The following RBFOX3 variants were observed in gnomAD, a reference collection of about 807,000 sequenced individuals.
RBFOX3 encodes the protein RNA binding protein fox-1 homolog 3.
RBFOX3 carries 17 observed loss-of-function variants against 48.7 expected under a neutral mutation model. The observed-to-expected ratio is 0.35, with a 90% CI of 0.24 to 0.52. The LOEUF (loss-of-function observed/expected upper bound fraction) is 0.52. Among genes scored for constraint, RBFOX3 ranks in the 20% least tolerant of loss-of-function variants. The probability of loss-of-function intolerance (pLI) is 0.94; values close to 1 mark genes in which losing one functional copy is unlikely to be tolerated. For synonymous variants in RBFOX3, 212 were observed against 209.5 expected (o/e 1.01, Z -0.10); for missense variants, 382 against 497.5 (o/e 0.77, Z 2.21).
intron 4 of RBFOX3, among the ~76,000 whole-genome samples, chr17:79,143,681 G>A (rs1183796741): frequency 1.3e-5 from 2 of 152,164 alleles, no homozygotes; most frequent in African/African-American, 4.8e-5. Context: ...CAGGAACGGG[G>A]TAGGGGACCG....
At chr17:79,404,157 A>C (rs926587633) in intron 2 of RBFOX3, among the ~76,000 whole-genome samples, 10 of 152,114 alleles carry the variant, frequency 6.6e-5, no homozygotes, top group African/African-American at 2.4e-4. Flanking sequence ...CCCCACTCTC[A>C]GTTGAACACA....
chr17:79,102,353 C>T (rs1025066232), intron 8 of RBFOX3, among the ~76,000 whole-genome samples: 2 of 152,198 alleles, frequency 1.3e-5, no homozygotes, highest in Non-Finnish European at 2.9e-5. Flanking sequence ...CATTGAGCCC[C>T]GAGGGCGTGG....
In RBFOX3 at chr17:79,536,060, G is replaced by A. The variant is rs574821987; in HGVS notation, c.-319-53462C>T. On this transcript the variant is annotated intron_variant, in intron 1 of 14. Coordinates refer to ENST00000693108, the MANE Select transcript of RBFOX3 (RefSeq NM_001350451.2). ...GCTGGTCTCACAGGGGGCTGGGGAG[G>A]GAGAGCTGCAATCCCCATGGCCAGG... Among the ~76,000 whole-genome samples, 12 of 152,260 alleles carry A rather than the reference G, an allele frequency of 7.9e-5. No individual in the cohort carries two copies. In the South Asian group the frequency reaches 1.0e-3, roughly 13 times the overall value.
At position 79,212,223 on chromosome 17, in the gene RBFOX3, C is replaced by T. The variant is rs72846062; in HGVS notation, c.-34+23543G>A. Among the ~76,000 whole-genome samples the T allele has an allele frequency of 0.043, 6,517 of 152,294 alleles. 170 individuals are homozygous for T. The highest frequency in any genetic ancestry group is 0.054 in the Middle Eastern group (16 of 294). On this transcript the variant is annotated intron_variant, in intron 4 of 14. Transcript: ENST00000693108. The surrounding 1 kb of genome is among the most constrained non-coding windows in gnomAD (Gnocchi z 4.7). ...TCCAGGAAAACCTTCAAACTCTAGACACCCTTGGCCACCCGCTGCCCTGGG... is the reference window on the plus strand; with the variant it reads ...TCCAGGAAAACCTTCAAACTCTAGATACCCTTGGCCACCCGCTGCCCTGGG...
At chr17:79,478,460 C>G (rs1214299638) in intron 2 of RBFOX3, among the ~76,000 whole-genome samples, 6 of 152,242 alleles carry the variant, frequency 3.9e-5, no homozygotes, top group African/African-American at 1.4e-4. Flanking sequence ...AGCACCCGCT[C>G]CCATCTCATG....
intron 1 of RBFOX3, among the ~76,000 whole-genome samples, chr17:79,531,565 G>A (rs895877915): frequency 5.3e-5 from 8 of 152,242 alleles, no homozygotes; most frequent in Admixed American, 3.9e-4. Flanking sequence ...AGCCCACGTC[G>A]CTGCCTGCAG....
At chr17:79,373,121 G>C (rs1471171285) in intron 2 of RBFOX3, among the ~76,000 whole-genome samples, 1 of 152,160 alleles carries the variant, frequency 6.6e-6, no homozygotes, top group East Asian at 1.9e-4. Context: ...GGTGACGGCA[G>C]GGGAGCAGGT....
chr17:79,130,730 G>A (rs1035833088), intron 4 of RBFOX3, among the ~76,000 whole-genome samples: 1 of 152,234 alleles, frequency 6.6e-6, no homozygotes, highest in Non-Finnish European at 1.5e-5. Context: ...GCCCGATACC[G>A]AGCAGTCTTC....
the RBFOX3 span, among the ~76,000 whole-genome samples, chr17:79,650,416 G>A: frequency 6.6e-6 from 1 of 151,990 alleles, no homozygotes; most frequent in Non-Finnish European, 1.5e-5. Flanking sequence ...AGAGGCCCTG[G>A]GTACTTTAAA....
At chr17:79,209,502 C>T (rs2058058494) in intron 4 of RBFOX3, among the ~76,000 whole-genome samples, 1 of 152,212 alleles carries the variant, frequency 6.6e-6, no homozygotes, top group Non-Finnish European at 1.5e-5. Flanking sequence ...CAGGTGTGGC[C>T]TCTCATTCCC....
intron 3 of RBFOX3, among the ~76,000 whole-genome samples, chr17:79,275,014 A>G (rs2068484287): frequency 1.7e-5 from 1 of 57,832 alleles, no homozygotes; most frequent in Non-Finnish European, 3.2e-5. Flanking sequence ...CACCAGCCCC[A>G]GAGCTAGGAG....
chr17:79,546,917 G>A lies in RBFOX3; in HGVS notation c.-320+63909C>T, dbSNP rs371314357. Among the ~76,000 whole-genome samples the A allele has an allele frequency of 7.3e-3, 1,104 of 151,490 alleles. 15 individuals carry two copies. Among genetic ancestry groups the A allele is most frequent in the African/African-American group, 0.025 (1,050 of 41,310 alleles). Reference sequence around the variant, plus strand: ...GCTCCCAACTTCAGGTGATCCACCCGCCTCAGCCTCCCAAAGTGCTGGGAT... The same window carrying A: ...GCTCCCAACTTCAGGTGATCCACCCACCTCAGCCTCCCAAAGTGCTGGGAT... On this transcript the variant is annotated intron_variant, in intron 1 of 14. Coordinates refer to ENST00000693108, the MANE Select transcript of RBFOX3 (RefSeq NM_001350451.2).
chr17:79,270,747 A>C (rs560960771), intron 3 of RBFOX3, among the ~76,000 whole-genome samples: 2 of 152,356 alleles, frequency 1.3e-5, no homozygotes, highest in East Asian at 3.9e-4. Flanking sequence ...CTAGGGGGCA[A>C]TGTGGGGAAG....
In RBFOX3 at chr17:79,421,754, C is replaced by T. The variant is rs544264171; in HGVS notation, c.-175+60700G>A. ...CTGAGGCCGGGGCAGCAGCCATGCT[C>T]TCTCCTCCTGTGGTGGGGAGGTCTC... On this transcript the variant is annotated intron_variant, in intron 2 of 14. Coordinates refer to ENST00000693108, the MANE Select transcript of RBFOX3 (RefSeq NM_001350451.2). This position sits in a 1 kb window ranked among gnomAD's most constrained non-coding sequence, Gnocchi z 4.5. 9.8e-5 allele frequency among the ~76,000 whole-genome samples: 15 copies of T among 152,320 alleles called. No individual in the cohort carries two copies. In the East Asian group the frequency reaches 2.9e-3, roughly 29 times the overall value.
intron 3 of RBFOX3, among the ~76,000 whole-genome samples, chr17:79,294,623 A>G (rs1454870151): frequency 6.6e-6 from 1 of 152,170 alleles, no homozygotes; most frequent in Non-Finnish European, 1.5e-5. Context: ...TCTTGGAGAA[A>G]CAGGAAAGAT....
chr17:79,094,554 G>T, intron 13 of RBFOX3, 25 bp from the exon 14 acceptor site: 1 of 940,306 alleles, frequency 1.1e-6, no homozygotes, highest in Non-Finnish European at 1.5e-6. Context: ...GGGAGGGGGA[G>T]TGGGAGGAGG....
chr17:79,171,684 A>C (rs2049329806), intron 4 of RBFOX3, among the ~76,000 whole-genome samples: 1 of 112,854 alleles, frequency 8.9e-6, no homozygotes, highest in Non-Finnish European at 1.7e-5. Context: ...CTGGTCTCAA[A>C]CTCTTGGGCT....
rs1355909558 is a variant in RBFOX3 at position 79,111,774 on chromosome 17, G to A, written c.222+3720C>T. On this transcript the variant is annotated intron_variant, in intron 5 of 14. Coordinates refer to ENST00000693108, the MANE Select transcript of RBFOX3 (RefSeq NM_001350451.2). This position sits in a 1 kb window ranked among gnomAD's most constrained non-coding sequence, Gnocchi z 4.2. ...GTCCCTTGAGCACAAAGACTCCCAA[G>A]GGCCCACAGTACTGGCACCTGCGTG... Among the ~76,000 whole-genome samples the A allele has an allele frequency of 6.6e-6, 1 of 152,192 alleles. No individual in the cohort carries two copies. The highest frequency in any genetic ancestry group is 2.4e-5 in the African/African-American group (1 of 41,448).
intron 4 of RBFOX3, among the ~76,000 whole-genome samples, chr17:79,124,223 G>C (rs2036552543): frequency 1.3e-5 from 2 of 152,204 alleles, no homozygotes; most frequent in African/African-American, 4.8e-5. Flanking sequence ...ACACATAAGG[G>C]CTGGATTGGG....
Sources: allele counts gnomAD v4.1 joint callset (sites outside exome capture counted in the v4.1 genomes callset), GRCh38; gene constraint gnomAD v4.1.1; non-coding constraint Gnocchi (gnomAD v3.1); transcripts MANE v1.5; gene names NCBI Gene and HGNC (gene_info 2026-07-23, HGNC 2026-07-21).